Variants in SIPA1L1 observed in about 807,000 individuals in gnomAD.
SIPA1L1 encodes signal induced proliferation associated 1 like 1.
In SIPA1L1, 26 loss-of-function variants were observed where a neutral mutation model predicts 162.7. The observed-to-expected ratio is 0.16, with a 90% CI of 0.12 to 0.22. The LOEUF (loss-of-function observed/expected upper bound fraction) is 0.22, where lower values mean the gene tolerates loss of function less well. SIPA1L1 is among the 10% of genes least tolerant of loss of function. The pLI is 1.00. For synonymous variants in SIPA1L1, 829 were observed against 837.4 expected (o/e 0.99, Z 0.17); for missense variants, 1,874 against 2,241.0 (o/e 0.84, Z 3.31).
chr14:71,542,749 C>CTCTTTT (rs1458065614), intron 4 of SIPA1L1, among the ~76,000 whole-genome samples: 1 of 124,014 alleles, frequency 8.1e-6, no homozygotes, highest in Non-Finnish European at 1.7e-5. Flanking sequence ...CTCTCTCTCT[C>CTCTTTT]TTTTTTTTTT....
At chr14:71,518,889 CA>C (rs1174688478) in intron 3 of SIPA1L1, among the ~76,000 whole-genome samples, 2 of 152,044 alleles carry the variant, frequency 1.3e-5, no homozygotes, top group Admixed American at 6.6e-5. Context: ...TGACGGGAGG[CA>C]AAAGGCACTT....
chr14:71,693,622 G>A (rs1446724922), intron 13 of SIPA1L1, among the ~76,000 whole-genome samples: 1 of 152,126 alleles, frequency 6.6e-6, no homozygotes, highest in Non-Finnish European at 1.5e-5. Flanking sequence ...AGACAGGCAC[G>A]AGTTGCTTGA....
At position 71,705,321 on chromosome 14, in the gene SIPA1L1, C is replaced by G; in HGVS notation, c.3746C>G (p.Ser1249Cys). 1 of 1,613,546 alleles carries G rather than the reference C, an allele frequency of 6.2e-7. No homozygotes were observed. Among genetic ancestry groups the G allele is most frequent in the African/African-American group, 1.3e-5 (1 of 75,004 alleles). Reference sequence around the variant, plus strand: ...CGGCAGGATCCAGTGGTTCATTTGTCTCCAAACAAACAAGGGCATGTAAGT... The same window carrying G: ...CGGCAGGATCCAGTGGTTCATTTGTGTCCAAACAAACAAGGGCATGTAAGT... ...LMRQDPVVHL[S>C]PNKQGHSDSH... The change falls in exon 16 of 24, where the codon TCT becomes TGT. Residue 1249 changes from serine to cysteine, a missense_variant. Coordinates refer to ENST00000381232, the MANE Select transcript of SIPA1L1 (RefSeq NM_001386936.1).
At chr14:71,728,491 A>G (rs114656558) in intron 19 of SIPA1L1, among the ~76,000 whole-genome samples, 3,084 of 152,316 alleles carry the variant, frequency 0.02, 101 homozygotes, top group African/African-American at 0.07. Context: ...TGTATTCACA[A>G]TGTGTTTGAT....
At chr14:71,687,167 A>G (rs1242091346) in intron 13 of SIPA1L1, among the ~76,000 whole-genome samples, 5 of 152,238 alleles carry the variant, frequency 3.3e-5, no homozygotes, top group Non-Finnish European at 5.9e-5. Context: ...TCTTTCTACA[A>G]CTTCTCATTT....
intron 2 of SIPA1L1, among the ~76,000 whole-genome samples, chr14:71,438,399 T>G (rs1325782801): frequency 1.3e-5 from 2 of 152,198 alleles, no homozygotes; most frequent in African/African-American, 4.8e-5. Flanking sequence ...TTCCCACTCC[T>G]GACCAGCCCA....
chr14:71,446,916 T>TTG (rs1555425882), intron 2 of SIPA1L1, among the ~76,000 whole-genome samples: 9 of 127,330 alleles, frequency 7.1e-5, no homozygotes, highest in Admixed American at 3.1e-4. Context: ...GTTTTTTTTT[T>TTG]TTTTTTTTTT....
intron 2 of SIPA1L1, among the ~76,000 whole-genome samples, chr14:71,356,674 C>T (rs771469223): frequency 7.3e-5 from 11 of 151,302 alleles, no homozygotes; most frequent in South Asian, 2.1e-4. Context: ...TATGATGGTG[C>T]CACTGTACTC....
At chr14:71,620,066 AGTTT>A (rs911299927) in intron 6 of SIPA1L1, among the ~76,000 whole-genome samples, 3 of 151,886 alleles carry the variant, frequency 2.0e-5, no homozygotes, top group East Asian at 3.9e-4. Context: ...CTAACAGTTT[AGTTT>A]GTTTGTTTGT....
At chr14:71,689,291 T>C (rs1022482745) in intron 13 of SIPA1L1, among the ~76,000 whole-genome samples, 1 of 152,228 alleles carries the variant, frequency 6.6e-6, no homozygotes, top group Non-Finnish European at 1.5e-5. Flanking sequence ...TAGAATAAAG[T>C]CTAATTTCTA....
chr14:71,672,772 C>T (rs188376219), intron 12 of SIPA1L1, 150 bp downstream of exon 12: 20 of 858,456 alleles, frequency 2.3e-5, no homozygotes, highest in Middle Eastern at 3.6e-4. Context: ...GAGTCTGACT[C>T]AGGACGAAGC....
Position 71,681,224 on chromosome 14 carries a change from CTCACCCCCCTGCTG to C in SIPA1L1, c.3105-4130_3105-4117del, listed in dbSNP as rs375739838. Among the ~76,000 whole-genome samples the C allele has an allele frequency of 6.6e-4, 100 of 152,276 alleles. 1 individual carries two copies. Among genetic ancestry groups the C allele is most frequent in the African/African-American group, 2.4e-3 (98 of 41,560 alleles). On this transcript the variant is annotated intron_variant, in intron 12 of 23. Transcript: ENST00000381232. ...CCCCTTATGCAGGAATTGCCTGATT[CTCACCCCCCTGCTG>C]TCACCCCTCTGCAGTAGGTAGCCAG...
chr14:71,390,704 G>C (rs2040675408), intron 2 of SIPA1L1, among the ~76,000 whole-genome samples: 1 of 152,158 alleles, frequency 6.6e-6, no homozygotes, highest in Non-Finnish European at 1.5e-5. Flanking sequence ...AGGATCACTG[G>C]AGCCCGGGAG....
At chr14:71,698,148 G>A (rs1417298372) in intron 13 of SIPA1L1, among the ~76,000 whole-genome samples, 8 of 152,270 alleles carry the variant, frequency 5.3e-5, no homozygotes, top group South Asian at 4.1e-4. Flanking sequence ...AAATACCATC[G>A]TTACTAAGGG....
At position 71,630,404 on chromosome 14, in the gene SIPA1L1, C is replaced by T. The variant is rs2040449379; in HGVS notation, c.1818+6168C>T. Among the ~76,000 whole-genome samples, 5 of 152,130 alleles carry T rather than the reference C, an allele frequency of 3.3e-5. No individual in the cohort carries two copies. The South Asian group carries it at 1.0e-3, about 32-fold the overall frequency. ...TGAGAAGATTTTGTGATTAATGGGA[C>T]TGATAGCATTAGCATTTGGAAGACA... On this transcript the variant is annotated intron_variant, in intron 7 of 23. Transcript: ENST00000381232.
chr14:71,510,281 G>A (rs1348687693), intron 2 of SIPA1L1, among the ~76,000 whole-genome samples: 1 of 141,808 alleles, frequency 7.1e-6, no homozygotes, highest in Admixed American at 7.5e-5. Context: ...CTGCCTCCCA[G>A]GTTCAAACAA....
intron 17 of SIPA1L1, among the ~76,000 whole-genome samples, chr14:71,719,248 A>G (rs761026818): frequency 8.5e-5 from 13 of 152,086 alleles, no homozygotes; most frequent in Non-Finnish European, 1.3e-4. Flanking sequence ...CAATATTAAG[A>G]ATTCCTGTAC....
At chr14:71,544,252 A>G (rs1488922800) in intron 4 of SIPA1L1, among the ~76,000 whole-genome samples, 2 of 106,980 alleles carry the variant, frequency 1.9e-5, no homozygotes, top group African/African-American at 2.7e-5. Flanking sequence ...ACACATATGT[A>G]TATACACATG....
At chr14:71,624,857 A>G (rs1017699982) in intron 7 of SIPA1L1, among the ~76,000 whole-genome samples, 5 of 152,270 alleles carry the variant, frequency 3.3e-5, no homozygotes, top group African/African-American at 1.2e-4. Flanking sequence ...ACCACCAAAG[A>G]TATATTCTAG....
Sources: allele counts gnomAD v4.1 joint callset (sites outside exome capture counted in the v4.1 genomes callset), GRCh38; gene constraint gnomAD v4.1.1; transcripts MANE v1.5; gene names NCBI Gene and HGNC (gene_info 2026-07-23, HGNC 2026-07-21).